The following BORCS8 variants were observed in gnomAD, a reference collection of about 807,000 sequenced individuals.
The protein encoded by BORCS8 is BLOC-1 related complex subunit 8, also known as BLOC-1-related complex subunit 8.
In BORCS8, 13 loss-of-function variants were observed where a neutral mutation model predicts 18.7. The observed-to-expected ratio is 0.70, with a 90% CI of 0.45 to 1.11. The LOEUF (loss-of-function observed/expected upper bound fraction) is 1.11. Among genes scored for constraint, BORCS8 ranks in the 50% least tolerant of loss-of-function variants. The pLI is 0.00. For missense variants in BORCS8, 165 were observed against 165.7 expected (o/e 1.00, Z 0.02); for synonymous variants, 68 against 64.8 (o/e 1.05, Z -0.24).
intron 3 of BORCS8, among the ~76,000 whole-genome samples, chr19:19,184,305 C>CT (rs900454275): frequency 0.17 from 18,127 of 108,404 alleles, 1,734 homozygotes; most frequent in East Asian, 0.36. Context: ...TTTTTCCTTT[C>CT]TTTTTTTTTT....
chr19:19,186,943 G>A lies in BORCS8; in HGVS notation c.100C>T (p.Arg34Trp), dbSNP rs1415669003. ...GAGCGACGCACATGCTCCTGCAGCC[G>A]GTACAGGGCCACGGATGGCTCGTTG... ...LANEPSVALY[R>W]LQEHVRRSLP... Residue 34 changes from arginine (R) to tryptophan (W), a missense_variant, in exon 2 of 6, where the codon CGG becomes TGG. Coordinates refer to ENST00000462790, the MANE Select transcript of BORCS8 (RefSeq NM_001145784.2). 11 of 1,551,284 alleles carry A rather than the reference G, an allele frequency of 7.1e-6. No homozygotes were observed. The highest frequency in any genetic ancestry group is 1.2e-5 in the South Asian group (1 of 84,050).
At chr19:19,183,440 C>T (rs192825413) in intron 3 of BORCS8, among the ~76,000 whole-genome samples, 3 of 151,424 alleles carry the variant, frequency 2.0e-5, no homozygotes, top group Admixed American at 2.0e-4. Flanking sequence ...CATTTCACTA[C>T]AGACAAATGT....
Position 19,182,592 on chromosome 19 carries a change from C to A in BORCS8, c.307G>T (p.Ala103Ser). The A allele has an allele frequency of 6.4e-7, 1 of 1,551,000 alleles. No homozygotes were observed. ...QAISIRDHMN[A>S]SAQGHSPEEP... is the part of the protein sequence containing the mutation. ...AGCTACCTGTGGCCCTGGGCACTGG[C>A]ATTCATATGGTCCCGGATGCTGATG... The change falls in exon 4 of 6, where the codon GCC becomes TCC. Residue 103 changes from alanine (A) to serine (S), a missense_variant. By Grantham distance (99) the Ala-to-Ser change is moderately conservative. Coordinates refer to ENST00000462790, the MANE Select transcript of BORCS8 (RefSeq NM_001145784.2). The surrounding 1 kb of genome is among the most constrained non-coding windows in gnomAD (Gnocchi z 4.1).
intron 1 of BORCS8, among the ~76,000 whole-genome samples, chr19:19,191,879 T>C (rs2060485258): frequency 6.6e-6 from 1 of 152,162 alleles, no homozygotes; most frequent in South Asian, 2.1e-4. Context: ...GCTACTGAAT[T>C]CTTGAAACAA....
intron 3 of BORCS8, among the ~76,000 whole-genome samples, chr19:19,183,822 G>A (rs1442452662): frequency 1.3e-5 from 2 of 150,844 alleles, no homozygotes; most frequent in Admixed American, 6.6e-5. Context: ...CTCCTGCCTC[G>A]GCCTCCAAAA....
At chr19:19,179,658 C>G (rs1427576376) in intron 5 of BORCS8, 2 of 152,702 alleles carry the variant, frequency 1.3e-5, no homozygotes, top group East Asian at 3.8e-4. Context: ...CCCCTTTGAC[C>G]TGCCTGCGTC....
chr19:19,180,660 G>T, intron 5 of BORCS8, 26 bp downstream of exon 5: 1 of 1,458,552 alleles, frequency 6.9e-7, no homozygotes, highest in Middle Eastern at 2.3e-4. Flanking sequence ...CAGAGAGAGA[G>T]GCTCGTGGCT....
At chr19:19,178,314 C>T (rs2060319648) in intron 5 of BORCS8, 1 of 152,444 alleles carries the variant, frequency 6.6e-6, no homozygotes, top group Non-Finnish European at 1.5e-5. Flanking sequence ...ATGCTGGCCA[C>T]ACTCGTTCAG....
At chr19:19,183,197 G>A (rs1406974155) in intron 3 of BORCS8, among the ~76,000 whole-genome samples, 3 of 151,970 alleles carry the variant, frequency 2.0e-5, no homozygotes, top group Admixed American at 6.6e-5. Context: ...TCATGAGGTC[G>A]GGAGGTCAAG....
At position 19,182,205 on chromosome 19, in the gene BORCS8, T is replaced by G; in HGVS notation, c.326+368A>C. The G allele has an allele frequency of 2.5e-6, 1 of 402,278 alleles. No homozygotes were observed. The highest frequency in any genetic ancestry group is 3.4e-6 in the Non-Finnish European group (1 of 290,544). The allele number at this position is 402,278 out of a possible 1,614,324, so 24.9% of individuals were successfully genotyped here. A position where few individuals can be genotyped will look rare whatever the true frequency, so the allele number is the denominator to read the frequency against. On this transcript the variant is annotated intron_variant, in intron 4 of 5. Coordinates refer to ENST00000462790, the MANE Select transcript of BORCS8 (RefSeq NM_001145784.2). This position sits in a 1 kb window ranked among gnomAD's most constrained non-coding sequence, Gnocchi z 4.1. ...ACTCCGTCTGCCCCCGGATCGTCTC[T>G]GTCTGCATGTAACTCATGCCACCTC...
Position 19,187,011 on chromosome 19 carries a change from T to C in BORCS8, c.38-6A>G. Reference sequence around the variant, plus strand: ...CTCAGTGAACTTGTCCGTGACTAGATACAGGTGGTAGGGATGGGGCGGGTG... The same window carrying C: ...CTCAGTGAACTTGTCCGTGACTAGACACAGGTGGTAGGGATGGGGCGGGTG... On this transcript the variant is annotated splice_region_variant and splice_polypyrimidine_tract_variant and intron_variant, in intron 1 of 5. Transcript: ENST00000462790. The C allele has an allele frequency of 2.6e-6, 4 of 1,548,538 alleles. No individual in the cohort carries two copies. Among genetic ancestry groups the C allele is most frequent in the Non-Finnish European group, 3.5e-6 (4 of 1,144,758 alleles).
intron 5 of BORCS8, chr19:19,177,987 G>A (rs764984567): frequency 1.3e-5 from 2 of 152,338 alleles, no homozygotes; most frequent in Non-Finnish European, 1.5e-5. Context: ...GGGTTCAAGC[G>A]ATTCTCATGC....
intron 1 of BORCS8, among the ~76,000 whole-genome samples, chr19:19,190,964 C>G (rs929205479): frequency 6.6e-6 from 1 of 152,146 alleles, no homozygotes. Context: ...CTTCAATCTG[C>G]CCTACACGAA....
chr19:19,183,664 A>G (rs993882462), intron 3 of BORCS8, among the ~76,000 whole-genome samples: 5 of 148,626 alleles, frequency 3.4e-5, no homozygotes, highest in African/African-American at 1.2e-4. Flanking sequence ...GGCTCACTGC[A>G]ACCTCCGCCT....
intron 2 of BORCS8, 144 bp from the exon 3 acceptor site, chr19:19,186,242 T>G: frequency 2.6e-6 from 2 of 769,654 alleles, no homozygotes; most frequent in Non-Finnish European, 4.3e-6. Flanking sequence ...CCCTCACAGG[T>G]CTGGGCTTTC....
Position 19,186,881 on chromosome 19 carries a change from GC to G in BORCS8, c.150+11del. 6.6e-7 allele frequency: 1 copy of G among 1,526,672 alleles called. No homozygotes were observed. Among genetic ancestry groups the G allele is most frequent in the African/African-American group, 1.4e-5 (1 of 72,702 alleles). 94.6% of individuals were successfully genotyped at this position (1,526,672 alleles called of 1,614,324 possible). On this transcript the variant is annotated intron_variant, in intron 2 of 5. Transcript: ENST00000462790. ...TGACAGCCCCTGCTCCTCCCAGCAGGCCCCAGCTCACCTTGTGCTGGGCCAG... is the reference window on the plus strand; with the variant it reads ...TGACAGCCCCTGCTCCTCCCAGCAGGCCCAGCTCACCTTGTGCTGGGCCAG...
intron 5 of BORCS8, chr19:19,180,411 A>G (rs1210172227): frequency 2.0e-6 from 1 of 510,994 alleles, no homozygotes; most frequent in Non-Finnish European, 3.5e-6. Flanking sequence ...GGGGGGTGGA[A>G]ATCTCTGGGA....
chr19:19,184,494 C>T (rs992894375), intron 3 of BORCS8, among the ~76,000 whole-genome samples: 7 of 151,526 alleles, frequency 4.6e-5, no homozygotes, highest in Admixed American at 1.3e-4. Context: ...AGTAAAGACG[C>T]GGTTTCACCG....
chr19:19,190,851 T>C (rs1439365775), intron 1 of BORCS8, among the ~76,000 whole-genome samples: 1 of 152,088 alleles, frequency 6.6e-6, no homozygotes, highest in African/African-American at 2.4e-5. Flanking sequence ...TCATGCCTCA[T>C]ACTCATGCCC....
Sources: allele counts gnomAD v4.1 joint callset (sites outside exome capture counted in the v4.1 genomes callset), GRCh38; gene constraint gnomAD v4.1.1; non-coding constraint Gnocchi (gnomAD v3.1); transcripts MANE v1.5; gene names NCBI Gene and HGNC (gene_info 2026-07-23, HGNC 2026-07-21).